AKAP6: variants seen among roughly 807,000 people sequenced by gnomAD.
AKAP6 encodes A-kinase anchoring protein 6.
In AKAP6, 58 loss-of-function variants were observed where a neutral mutation model predicts 188.5. The ratio of observed to expected loss-of-function variants is 0.31; its 90% confidence interval spans 0.25 to 0.38. The LOEUF is 0.38. Ranked by LOEUF, AKAP6 falls within the 10% of genes least tolerant of loss-of-function variation. The pLI is 1.00. For missense variants in AKAP6, 2,710 were observed against 2,740.0 expected (o/e 0.99, Z 0.24); for synonymous variants, 989 against 998.6 (o/e 0.99, Z 0.18).
chr14:32,535,569 A>G lies in AKAP6; in HGVS notation c.340A>G (p.Ile114Val), dbSNP rs1401455233. ...LVQLKDICED[I>V]SDHVEQIHAL... ...TTTACTGCAGGACATTTGTGAAGAT[A>G]TTTCTGATCATGTTGAGCAAATCCA... is the stretch of plus-strand genomic sequence containing the variant. Residue 114 changes from isoleucine to valine, a missense_variant, in exon 3 of 14, where the codon ATT becomes GTT. Physicochemically the swap from Ile to Val is conservative, Grantham distance 29. Transcript: ENST00000280979. The G allele has an allele frequency of 1.2e-6, 2 of 1,613,460 alleles. No homozygotes were observed. The highest frequency in any genetic ancestry group is 1.1e-5 in the South Asian group (1 of 91,026).
intron 13 of AKAP6, among the ~76,000 whole-genome samples, chr14:32,825,045 T>A (rs2034641062): frequency 6.6e-6 from 1 of 152,162 alleles, no homozygotes; most frequent in African/African-American, 2.4e-5. Flanking sequence ...TACATAATTC[T>A]GGCAAGAATA....
At chr14:32,714,512 CATAA>C (rs2030079870) in intron 9 of AKAP6, among the ~76,000 whole-genome samples, 1 of 151,922 alleles carries the variant, frequency 6.6e-6, no homozygotes, top group South Asian at 2.1e-4. Flanking sequence ...ACCATAAAAA[CATAA>C]ATATATATTT....
rs73254623 is a variant in AKAP6 at position 32,335,902 on chromosome 14, T to G, written c.-35+6494T>G. Among the ~76,000 whole-genome samples, 336 of 149,122 alleles carry G rather than the reference T, an allele frequency of 2.3e-3. 1 individual carries two copies. The highest frequency in any genetic ancestry group is 7.2e-3 in the African/African-American group (291 of 40,158). On this transcript the variant is annotated intron_variant, in intron 1 of 13. Coordinates refer to ENST00000280979, the MANE Select transcript of AKAP6 (RefSeq NM_004274.5). ...TCCAGGAGGCCAGAGGGCCTATAATTCGAGGTTATATTACTACAGGAAAAG... is the reference window on the plus strand; with the variant it reads ...TCCAGGAGGCCAGAGGGCCTATAATGCGAGGTTATATTACTACAGGAAAAG...
intron 1 of AKAP6, among the ~76,000 whole-genome samples, chr14:32,364,162 G>T (rs149412788): frequency 6.6e-6 from 1 of 152,168 alleles, no homozygotes; most frequent in South Asian, 2.1e-4. Context: ...ATTGCTTTTT[G>T]TAAAAGCTGA....
Position 32,735,849 on chromosome 14 carries a change from A to G in AKAP6, c.3339A>G (p.Thr1113=). ...GTCTGAGACAAGAAAAGGAAGGAAC[A>G]ATGAATACTGAGAAACAACTGCAAT... ...NSCLRQEKEG[T]MNTEKQLQYF... is the part of the protein sequence containing the mutation. Residue 1113 remains threonine, a synonymous_variant, in exon 11 of 14, where the codon ACA becomes ACG. Transcript: ENST00000280979. 2 of 1,611,704 alleles carry G rather than the reference A, an allele frequency of 1.2e-6. No individual in the cohort carries two copies. The highest frequency in any genetic ancestry group is 1.7e-6 in the Non-Finnish European group (2 of 1,179,052).
intron 7 of AKAP6, among the ~76,000 whole-genome samples, chr14:32,656,531 G>T (rs749211189): frequency 7.1e-4 from 108 of 152,244 alleles, no homozygotes; most frequent in Non-Finnish European, 3.4e-4. Context: ...GTCCTCACTG[G>T]GCCTGGGAAT....
intron 9 of AKAP6, among the ~76,000 whole-genome samples, chr14:32,730,188 A>C (rs988981902): frequency 3.2e-4 from 48 of 152,324 alleles, no homozygotes; most frequent in Admixed American, 3.3e-4. Context: ...ATAACATTTT[A>C]GTACCTTTCA....
At chr14:32,408,590 G>A (rs17098990) in intron 1 of AKAP6, among the ~76,000 whole-genome samples, 100,655 of 150,554 alleles carry the variant, frequency 0.67, 35,968 homozygotes, top group Non-Finnish European at 0.8. Flanking sequence ...AAGGATGAGA[G>A]CTCAGGTATC....
intron 11 of AKAP6, among the ~76,000 whole-genome samples, chr14:32,768,627 C>T (rs2032790259): frequency 6.6e-6 from 1 of 152,126 alleles, no homozygotes; most frequent in South Asian, 2.1e-4. Context: ...TCTTGGCTAC[C>T]AGTTTCATTC....
chr14:32,401,657 C>A (rs1287057814), intron 1 of AKAP6, among the ~76,000 whole-genome samples: 5 of 152,188 alleles, frequency 3.3e-5, no homozygotes, highest in African/African-American at 1.2e-4. Context: ...CTTATATTCT[C>A]TTTTTATATA....
chr14:32,342,214 T>C lies in AKAP6; in HGVS notation c.-35+12806T>C, dbSNP rs73254641. 2.5e-3 allele frequency among the ~76,000 whole-genome samples: 378 copies of C among 152,332 alleles called. 1 individual carries two copies. Among genetic ancestry groups the C allele is most frequent in the African/African-American group, 8.0e-3 (332 of 41,578 alleles). ...TCTCCCAGATTCAGACTTGTATTTCTCCTGCTTTCTGTATGTCTTTTCCTG... is the reference window on the plus strand; with the variant it reads ...TCTCCCAGATTCAGACTTGTATTTCCCCTGCTTTCTGTATGTCTTTTCCTG... On this transcript the variant is annotated intron_variant, in intron 1 of 13. Coordinates refer to ENST00000280979, the MANE Select transcript of AKAP6 (RefSeq NM_004274.5).
chr14:32,492,070 A>G (rs2138948409), intron 2 of AKAP6, among the ~76,000 whole-genome samples: 1 of 152,090 alleles, frequency 6.6e-6, no homozygotes, highest in East Asian at 1.9e-4. Flanking sequence ...CCACCCTTGC[A>G]AACTAAGCTC....
rs147745336 is a variant in AKAP6 at position 32,557,830 on chromosome 14, T to C, written c.2346+10831T>C. 1.7e-4 allele frequency among the ~76,000 whole-genome samples: 26 copies of C among 152,334 alleles called. No homozygotes were observed. The East Asian group carries it at 4.8e-3, about 28-fold the overall frequency. ...CTTTCCCATTGCTTTTCTTTACTTT[T>C]CTTCTGGATCTAGTTTTCACTCTCT... On this transcript the variant is annotated intron_variant, in intron 4 of 13. Transcript: ENST00000280979.
At chr14:32,385,080 A>G (rs1888484937) in intron 1 of AKAP6, 1 of 151,676 alleles carries the variant, frequency 6.6e-6, no homozygotes, top group African/African-American at 2.4e-5. Flanking sequence ...ACCTGTCATG[A>G]TGCTGTCGCT....
intron 8 of AKAP6, among the ~76,000 whole-genome samples, chr14:32,679,757 A>T (rs1479650824): frequency 1.3e-5 from 2 of 152,180 alleles, no homozygotes; most frequent in African/African-American, 4.8e-5. Flanking sequence ...TATTTCTATA[A>T]CTTGTTGCTC....
At chr14:32,756,786 T>C (rs373167251) in intron 11 of AKAP6, among the ~76,000 whole-genome samples, 11 of 151,712 alleles carry the variant, frequency 7.3e-5, no homozygotes, top group African/African-American at 2.7e-4. Context: ...TGACTGTGAG[T>C]CCATTGCAGT....
At chr14:32,459,759 A>T (rs1217403798) in intron 2 of AKAP6, among the ~76,000 whole-genome samples, 1 of 151,538 alleles carries the variant, frequency 6.6e-6, no homozygotes, top group Admixed American at 6.6e-5. Context: ...TTTTCAGAAG[A>T]CAGTGGAGTA....
In AKAP6 at chr14:32,545,619, A is replaced by C; in HGVS notation, c.966A>C (p.Thr322=). 6.2e-7 allele frequency: 1 copy of C among 1,614,192 alleles called. No homozygotes were observed. Among genetic ancestry groups the C allele is most frequent in the South Asian group, 1.1e-5 (1 of 91,082 alleles). Reference sequence around the variant, plus strand: ...CAGTCGAAGAGCAACCAGGCTTAACACTGGGGGTGTCATCATCTTCAGGAG... The same window carrying C: ...CAGTCGAAGAGCAACCAGGCTTAACCCTGGGGGTGTCATCATCTTCAGGAG... The part of the protein sequence containing the change: ...ASAVEEQPGL[T]LGVSSSSGEA... The change falls in exon 4 of 14, where the codon ACA becomes ACC. Residue 322 remains threonine (T), a synonymous_variant. Transcript: ENST00000280979.
At chr14:32,808,201 C>G (rs1177961732) in intron 12 of AKAP6, among the ~76,000 whole-genome samples, 1 of 151,106 alleles carries the variant, frequency 6.6e-6, no homozygotes, top group African/African-American at 2.4e-5. Flanking sequence ...CCCTTCTTTC[C>G]TAGAACACCT....
Sources: gnomAD v4.1 joint callset for allele counts (sites outside exome capture counted in the v4.1 genomes callset) on GRCh38, gnomAD v4.1.1 for gene constraint, MANE v1.5 for transcripts, NCBI Gene and HGNC (gene_info 2026-07-23, HGNC 2026-07-21) for gene names.